Variants in FOXP1 observed in about 807,000 individuals in gnomAD.
FOXP1 encodes the protein forkhead box P1, also known as forkhead box protein P1.
In FOXP1, 15 loss-of-function variants were observed where a neutral mutation model predicts 98.2. The ratio of observed to expected loss-of-function variants is 0.15; its 90% CI spans 0.10 to 0.24. The LOEUF (loss-of-function observed/expected upper bound fraction) is 0.24, where lower values mean the gene tolerates loss of function less well. Ranked by LOEUF, FOXP1 falls within the 10% of genes least tolerant of loss-of-function variation. The pLI, the probability that FOXP1 is intolerant of heterozygous loss-of-function variation, is 1.00. For missense variants in FOXP1, 633 were observed against 848.5 expected (o/e 0.75, Z 3.15); for synonymous variants, 371 against 314.5 (o/e 1.18, Z -1.90).
chr3:71,542,031 A>T, intron 2 of FOXP1: 2 of 534,014 alleles, frequency 3.7e-6, no homozygotes, highest in East Asian at 1.1e-4. Flanking sequence ...CCAATATATA[A>T]AATTTAAGAA....
chr3:71,098,051 A>G (rs2056627255), intron 7 of FOXP1, among the ~76,000 whole-genome samples: 1 of 152,224 alleles, frequency 6.6e-6, no homozygotes, highest in Admixed American at 6.5e-5. Context: ...GCAAAGGACA[A>G]TTTGATTAGA....
intron 7 of FOXP1, among the ~76,000 whole-genome samples, chr3:71,082,351 T>A (rs2054528756): frequency 6.7e-6 from 1 of 149,466 alleles, no homozygotes; most frequent in South Asian, 2.1e-4. Flanking sequence ...GAAATGGGCA[T>A]CATATGAAAG....
chr3:71,328,364 T>C (rs1014691625), intron 4 of FOXP1, among the ~76,000 whole-genome samples: 1 of 152,230 alleles, frequency 6.6e-6, no homozygotes, highest in African/African-American at 2.4e-5. Context: ...ACATAGATCT[T>C]ATTTGGTACA....
intron 4 of FOXP1, among the ~76,000 whole-genome samples, chr3:71,312,579 T>A (rs963339026): frequency 6.6e-6 from 1 of 152,158 alleles, no homozygotes. Context: ...ATGCCAGCTA[T>A]TAAGGAGGGT....
At position 71,041,521 on chromosome 3, in the gene FOXP1, T is replaced by A; in HGVS notation, c.676A>T (p.Thr226Ser). 1.2e-6 allele frequency: 2 copies of A among 1,613,752 alleles called. No homozygotes were observed. The highest frequency in any genetic ancestry group is 2.7e-5 in the African/African-American group (2 of 75,018). Residue 226 changes from threonine (T) to serine (S), a missense_variant, in exon 11 of 21, where the codon ACA becomes TCA. Coordinates refer to ENST00000649528, the MANE Select transcript of FOXP1 (RefSeq NM_001349338.3). The stretch of plus-strand genomic sequence containing the variant: ...TCTTTCCAGAGCTGCTGCAGTTCTG[T>A]TGGAATCATGCCTGAAACAAACAAA... ...LQPLAQGMIP[T>S]ELQQLWKEVT...
intron 5 of FOXP1, chr3:71,210,886 G>A (rs2064405603): frequency 6.6e-6 from 1 of 152,186 alleles, no homozygotes; most frequent in African/African-American, 2.4e-5. Context: ...CAGTTCTCCT[G>A]AGCTTCAGTT....
intron 5 of FOXP1, among the ~76,000 whole-genome samples, chr3:71,288,657 T>G (rs2072427059): frequency 6.6e-6 from 1 of 152,204 alleles, no homozygotes. Context: ...AACCATCAGA[T>G]TAGAGAACGG....
At chr3:71,533,271 C>A (rs1166448747) in intron 2 of FOXP1, among the ~76,000 whole-genome samples, 1 of 152,176 alleles carries the variant, frequency 6.6e-6, no homozygotes, top group African/African-American at 2.4e-5. Context: ...TCTTCCACCC[C>A]TGCCAGCCCT....
intron 11 of FOXP1, among the ~76,000 whole-genome samples, chr3:71,017,496 G>C (rs905992780): frequency 6.8e-6 from 1 of 147,842 alleles, no homozygotes; most frequent in African/African-American, 2.4e-5. Flanking sequence ...TAGAAAACTT[G>C]AAAATCCTGA....
intron 5 of FOXP1, among the ~76,000 whole-genome samples, chr3:71,257,806 G>A (rs369793581): frequency 2.0e-5 from 3 of 152,164 alleles, no homozygotes; most frequent in African/African-American, 7.2e-5. Flanking sequence ...ATGCAGACCT[G>A]TGTGCAAATG....
At chr3:71,229,155 C>T (rs2066083867) in intron 5 of FOXP1, among the ~76,000 whole-genome samples, 1 of 151,940 alleles carries the variant, frequency 6.6e-6, no homozygotes, top group African/African-American at 2.4e-5. Context: ...ACCAGTTTTT[C>T]CCCCAGTTTT....
chr3:71,315,178 CT>C (rs2075000463), intron 4 of FOXP1, among the ~76,000 whole-genome samples: 1 of 151,394 alleles, frequency 6.6e-6, no homozygotes, highest in Non-Finnish European at 1.5e-5. Context: ...ATGAACCAGC[CT>C]TTTATTTAAT....
chr3:71,545,913 G>T (rs537480388), intron 2 of FOXP1, among the ~76,000 whole-genome samples: 2 of 152,184 alleles, frequency 1.3e-5, no homozygotes, highest in South Asian at 4.2e-4. Flanking sequence ...GTGAACCATG[G>T]GCACAGGTTT....
At chr3:71,581,190 G>C in intron 2 of FOXP1, 2 of 985,288 alleles carry the variant, frequency 2.0e-6, no homozygotes, top group Non-Finnish European at 2.4e-6. Flanking sequence ...TTTGTAATCA[G>C]CCCAGCAAGG....
At chr3:71,183,447 C>T (rs2062453651) in intron 6 of FOXP1, among the ~76,000 whole-genome samples, 2 of 151,972 alleles carry the variant, frequency 1.3e-5, no homozygotes, top group South Asian at 2.1e-4. Flanking sequence ...TGCAGTGAGC[C>T]GAGATGGCCC....
chr3:71,162,206 A>C (rs1233218174), intron 6 of FOXP1, among the ~76,000 whole-genome samples: 1 of 152,246 alleles, frequency 6.6e-6, no homozygotes, highest in Non-Finnish European at 1.5e-5. Context: ...CCTCTGAATT[A>C]GAAAGTTAAA....
At chr3:71,349,530 T>C (rs1490853375) in intron 4 of FOXP1, among the ~76,000 whole-genome samples, 1 of 152,178 alleles carries the variant, frequency 6.6e-6, no homozygotes, top group Admixed American at 6.5e-5. Flanking sequence ...ATGATGGACA[T>C]GAAAATTATT....
chr3:70,972,458 T>A, intron 18 of FOXP1, 97 bp downstream of exon 18: 1 of 1,543,696 alleles, frequency 6.5e-7, no homozygotes, highest in Admixed American at 1.7e-5. Flanking sequence ...GTGAAACCAG[T>A]TCTTTGGTCT....
chr3:71,561,857 A>G (rs976574711), intron 2 of FOXP1, among the ~76,000 whole-genome samples: 9 of 152,210 alleles, frequency 5.9e-5, no homozygotes, highest in Non-Finnish European at 1.0e-4. Flanking sequence ...TCCCACCTTC[A>G]GTTTCTTTTT....
Sources: gnomAD v4.1 joint callset for allele counts (sites outside exome capture counted in the v4.1 genomes callset) on GRCh38, gnomAD v4.1.1 for gene constraint, MANE v1.5 for transcripts, NCBI Gene and HGNC (gene_info 2026-07-23, HGNC 2026-07-21) for gene names.